Variants in CAMTA1 observed in about 807,000 individuals in gnomAD.
The protein encoded by CAMTA1 is calmodulin binding transcription activator 1.
CAMTA1 carries 27 observed loss-of-function variants against 170.9 expected under a neutral mutation model. The ratio of observed to expected loss-of-function variants is 0.16; its 90% CI spans 0.12 to 0.22. CAMTA1 has a LOEUF of 0.22. CAMTA1 is among the 10% of genes least tolerant of loss of function. The probability of loss-of-function intolerance (pLI) is 1.00; values close to 1 mark genes in which losing one functional copy is unlikely to be tolerated. For missense variants in CAMTA1, 1,619 were observed against 2,217.2 expected, an observed-to-expected ratio of 0.73 and a Z score of 5.42; for synonymous variants, 833 against 891.5, an observed-to-expected ratio of 0.93 and a Z score of 1.17.
At chr1:7,619,225 G>C (rs1055935644) in intron 6 of CAMTA1, among the ~76,000 whole-genome samples, 13 of 152,190 alleles carry the variant, frequency 8.5e-5, no homozygotes, top group Admixed American at 3.9e-4. Flanking sequence ...TGCCCCTAGG[G>C]AGACAAACCC....
At chr1:7,362,246 G>C (rs563986990) in intron 5 of CAMTA1, among the ~76,000 whole-genome samples, 1 of 152,248 alleles carries the variant, frequency 6.6e-6, no homozygotes, top group African/African-American at 2.4e-5. Context: ...GAGCAGAGTT[G>C]GTGGACTTGG....
intron 5 of CAMTA1, among the ~76,000 whole-genome samples, chr1:7,362,161 T>C (rs1469888170): frequency 1.3e-5 from 2 of 152,356 alleles, no homozygotes; most frequent in East Asian, 3.9e-4. Context: ...GTCATGTGAC[T>C]TTATAACTAA....
chr1:7,667,320 C>T (rs552915942), intron 9 of CAMTA1, among the ~76,000 whole-genome samples: 43 of 152,266 alleles, frequency 2.8e-4, no homozygotes, highest in Middle Eastern at 3.4e-3. Context: ...CTTAAGAAAG[C>T]GATGCAAAGG....
At chr1:7,124,613 G>A (rs1021249776) in intron 4 of CAMTA1, among the ~76,000 whole-genome samples, 7 of 152,220 alleles carry the variant, frequency 4.6e-5, no homozygotes, top group African/African-American at 1.7e-4. Context: ...ATTCCAGATG[G>A]GGGATGCCCA....
chr1:7,303,464 G>T (rs1322290372), intron 5 of CAMTA1, among the ~76,000 whole-genome samples: 1 of 152,108 alleles, frequency 6.6e-6, no homozygotes, highest in Non-Finnish European at 1.5e-5. Context: ...CTCGTTTTTA[G>T]CCACAACTAT....
intron 4 of CAMTA1, among the ~76,000 whole-genome samples, chr1:7,212,015 A>G (rs1658862735): frequency 6.6e-6 from 1 of 152,174 alleles, no homozygotes; most frequent in Admixed American, 6.5e-5. Context: ...TTATTGTCTA[A>G]ATCCTAAATA....
intron 5 of CAMTA1, among the ~76,000 whole-genome samples, chr1:7,323,234 A>G (rs1678729000): frequency 6.6e-6 from 1 of 151,886 alleles, no homozygotes; most frequent in Admixed American, 6.6e-5. Context: ...ATATTTTCCA[A>G]TTTTTACTTT....
intron 11 of CAMTA1, among the ~76,000 whole-genome samples, chr1:7,730,291 A>G (rs575599528): frequency 1.3e-5 from 2 of 151,468 alleles, no homozygotes; most frequent in East Asian, 1.9e-4. Context: ...CTCCAGCTCT[A>G]TCGTCTCCTG....
At chr1:7,303,615 A>G (rs1488595442) in intron 5 of CAMTA1, among the ~76,000 whole-genome samples, 2 of 152,188 alleles carry the variant, frequency 1.3e-5, no homozygotes, top group African/African-American at 4.8e-5. Flanking sequence ...GCTAGAACCC[A>G]GTGTTCTAGG....
At chr1:7,381,173 C>T (rs1165535734) in intron 5 of CAMTA1, among the ~76,000 whole-genome samples, 16 of 151,398 alleles carry the variant, frequency 1.1e-4, no homozygotes, top group Admixed American at 1.1e-3. Context: ...TATTATTATA[C>T]TTTAAGTTTT....
At chr1:7,054,392 T>C (rs1706964270) in intron 3 of CAMTA1, among the ~76,000 whole-genome samples, 1 of 152,276 alleles carries the variant, frequency 6.6e-6, no homozygotes, top group Non-Finnish European at 1.5e-5. Flanking sequence ...TCAGGCTTCA[T>C]TCCTGCTGGT....
At chr1:6,872,995 T>C (rs1668814363) in intron 3 of CAMTA1, among the ~76,000 whole-genome samples, 1 of 152,218 alleles carries the variant, frequency 6.6e-6, no homozygotes, top group South Asian at 2.1e-4. Context: ...AAATTAGTCG[T>C]GGTTAGCTGT....
intron 6 of CAMTA1, among the ~76,000 whole-genome samples, chr1:7,507,623 A>G (rs1557839161): frequency 6.6e-6 from 1 of 152,222 alleles, no homozygotes; most frequent in Admixed American, 6.5e-5. Flanking sequence ...ATGGAAGTGC[A>G]GGAAGGAGGG....
chr1:6,832,699 G>A (rs1650917293), intron 3 of CAMTA1, among the ~76,000 whole-genome samples: 1 of 152,126 alleles, frequency 6.6e-6, no homozygotes, highest in Admixed American at 6.5e-5. Context: ...GGTAGGGCTT[G>A]GTTTTGTTTA....
At chr1:7,507,214 C>T (rs371545848) in intron 6 of CAMTA1, among the ~76,000 whole-genome samples, 7 of 152,064 alleles carry the variant, frequency 4.6e-5, no homozygotes, top group East Asian at 1.9e-4. Flanking sequence ...GCACACTCAC[C>T]GATACACACT....
At chr1:6,908,892 A>T (rs940272143) in intron 3 of CAMTA1, among the ~76,000 whole-genome samples, 2 of 152,266 alleles carry the variant, frequency 1.3e-5, no homozygotes, top group East Asian at 3.8e-4. Flanking sequence ...ATTTAGCCAG[A>T]TGCTGGCATC....
In CAMTA1 at chr1:7,664,641, G is replaced by C. The variant is rs144185676; in HGVS notation, c.2094G>C (p.Ala698=). 2 of 1,607,154 alleles carry C rather than the reference G, an allele frequency of 1.2e-6. No individual in the cohort carries two copies. Among genetic ancestry groups the C allele is most frequent in the Non-Finnish European group, 1.7e-6 (2 of 1,175,228 alleles). ...TCACCATGGAGACCTCGCAGGCGGC[G>C]GAAGGGAGCGAGGTCCTGCTCAAGT... ...GEVTMETSQA[A]EGSEVLLKSG... is the part of the protein sequence containing the mutation. The change falls in exon 9 of 23, where the codon GCG becomes GCC. Residue 698 remains alanine, a synonymous_variant. Transcript: ENST00000303635.
chr1:7,082,844 G>A (rs1437918514), intron 3 of CAMTA1, among the ~76,000 whole-genome samples: 3 of 152,256 alleles, frequency 2.0e-5, no homozygotes, highest in Admixed American at 6.5e-5. Context: ...CACATCGTCC[G>A]TGCTGCTAAT....
intron 11 of CAMTA1, among the ~76,000 whole-genome samples, chr1:7,701,710 C>T (rs140714790): frequency 3.9e-5 from 6 of 152,164 alleles, no homozygotes; most frequent in Middle Eastern, 3.4e-3. Context: ...TGTGAGCCAC[C>T]GTGCCCGGCT....
Sources: gnomAD v4.1 joint callset for allele counts (sites outside exome capture counted in the v4.1 genomes callset) on GRCh38, gnomAD v4.1.1 for gene constraint, MANE v1.5 for transcripts, NCBI Gene and HGNC (gene_info 2026-07-23, HGNC 2026-07-21) for gene names.